NHSL3: variants seen among roughly 807,000 people sequenced by gnomAD.
The protein encoded by NHSL3 is NHS-like protein 3.
At chr1:32,772,779 G>T in the NHSL3 span, 1 of 1,282,446 alleles carries the variant, frequency 7.8e-7, no homozygotes, top group South Asian at 1.2e-5. Context: ...TAAGAAGGTT[G>T]GGTGAGGGTA....
chr1:32,757,510 A>AT, the NHSL3 span, among the ~76,000 whole-genome samples: 5 of 152,104 alleles, frequency 3.3e-5, no homozygotes, highest in East Asian at 9.7e-4. Context: ...GGCTGAATTG[A>AT]TAAGACCTGG....
At chr1:32,769,526 C>CT in the NHSL3 span, 4 of 680,532 alleles carry the variant, frequency 5.9e-6, no homozygotes, top group Non-Finnish European at 1.1e-5. Flanking sequence ...AGAAAGAAGC[C>CT]TCTAGCTTTG....
chr1:32,772,579 C>T, the NHSL3 span: 101 of 1,367,936 alleles, frequency 7.4e-5, 1 homozygote, highest in African/African-American at 1.1e-3. Flanking sequence ...AGCTGTCACC[C>T]TTGCTGGGGC....
chr1:32,764,463 GTTT>G, the NHSL3 span, among the ~76,000 whole-genome samples: 4 of 150,616 alleles, frequency 2.7e-5, no homozygotes, highest in East Asian at 7.8e-4. Flanking sequence ...CAACCATCTT[GTTT>G]TTTTCTTTTT....
the NHSL3 span, chr1:32,774,334 C>T: frequency 6.6e-6 from 1 of 152,266 alleles, no homozygotes; most frequent in African/African-American, 2.4e-5. Context: ...GAGCCAGGTT[C>T]CTCTGGCCCT....
the NHSL3 span, chr1:32,767,830 T>C: frequency 6.2e-7 from 1 of 1,613,694 alleles, no homozygotes. Flanking sequence ...GTGTAGGGCC[T>C]GGCCAGGGGC....
At chr1:32,770,866 T>C in the NHSL3 span, 1 of 1,608,522 alleles carries the variant, frequency 6.2e-7, no homozygotes, top group East Asian at 2.2e-5. The surrounding 1 kb of genome is among the most constrained non-coding windows in gnomAD (Gnocchi z 8.3). Context: ...ACCTGGCTTG[T>C]CTCCGGGTGG....
At chr1:32,759,253 G>T in the NHSL3 span, among the ~76,000 whole-genome samples, 1 of 152,182 alleles carries the variant, frequency 6.6e-6, no homozygotes, top group East Asian at 1.9e-4. Context: ...CTGAGGCCCA[G>T]AGAGGCCAAT....
the NHSL3 span, among the ~76,000 whole-genome samples, chr1:32,744,872 T>G: frequency 6.6e-6 from 1 of 151,998 alleles, no homozygotes. Flanking sequence ...ATGCCTGTAA[T>G]CCTAGTATTT....
the NHSL3 span, among the ~76,000 whole-genome samples, chr1:32,746,299 C>T: frequency 6.6e-6 from 1 of 151,786 alleles, no homozygotes; most frequent in Non-Finnish European, 1.5e-5. Context: ...CCATATCTTC[C>T]AGAAATATCA....
chr1:32,772,785 G>A, the NHSL3 span: 2 of 1,344,392 alleles, frequency 1.5e-6, no homozygotes, highest in East Asian at 2.3e-5. Flanking sequence ...GGTTGGGTGA[G>A]GGTATGCTTT....
chr1:32,774,856 A>G, the NHSL3 span: 1 of 152,522 alleles, frequency 6.6e-6, no homozygotes, highest in South Asian at 2.1e-4. Flanking sequence ...ATTTCTTTAA[A>G]TTTTTGAGTC....
chr1:32,772,464 G>C, the NHSL3 span: 4 of 1,508,018 alleles, frequency 2.7e-6, no homozygotes, highest in Non-Finnish European at 3.5e-6. Flanking sequence ...GTGCTAGGGT[G>C]AGGTCCCATT....
chr1:32,754,239 C>T, the NHSL3 span: 9 of 696,564 alleles, frequency 1.3e-5, no homozygotes, highest in Non-Finnish European at 2.1e-5. Flanking sequence ...GCGGTCGTCG[C>T]CACCGCTGCT....
At chr1:32,749,960 C>T in the NHSL3 span, among the ~76,000 whole-genome samples, 1 of 152,180 alleles carries the variant, frequency 6.6e-6, no homozygotes, top group Non-Finnish European at 1.5e-5. Flanking sequence ...TCAGCACTTG[C>T]TCCTTGGAAA....
chr1:32,763,664 C>T, the NHSL3 span, among the ~76,000 whole-genome samples: 3 of 152,068 alleles, frequency 2.0e-5, no homozygotes, highest in African/African-American at 7.2e-5. Flanking sequence ...CTCTGCCTCC[C>T]GGGTTCAAGC....
chr1:32,757,310 G>A, the NHSL3 span, among the ~76,000 whole-genome samples: 2 of 152,058 alleles, frequency 1.3e-5, no homozygotes, highest in Non-Finnish European at 2.9e-5. Flanking sequence ...CAAAAGTGGG[G>A]TGTTAGGAAG....
At chr1:32,754,369 G>GT in the NHSL3 span, among the ~76,000 whole-genome samples, 1 of 151,898 alleles carries the variant, frequency 6.6e-6, no homozygotes, top group South Asian at 2.1e-4. Context: ...GCGGGCACAC[G>GT]TACATGTTCG....
At chr1:32,765,882 A>G in the NHSL3 span, 1 of 1,472,232 alleles carries the variant, frequency 6.8e-7, no homozygotes, top group South Asian at 1.2e-5. Flanking sequence ...TCCCTTTCCC[A>G]GACCCTTATG....
Sources: gnomAD v4.1 joint callset for allele counts (sites outside exome capture counted in the v4.1 genomes callset) on GRCh38, gnomAD v4.1.1 for gene constraint, Gnocchi (gnomAD v3.1) non-coding constraint, MANE v1.5 for transcripts, NCBI Gene and HGNC (gene_info 2026-07-23, HGNC 2026-07-21) for gene names.